The following NARS2 variants were observed in gnomAD, a reference collection of about 807,000 sequenced individuals.
NARS2 encodes the protein asparaginyl-tRNA synthetase.
A neutral mutation model predicts 62.9 loss-of-function variants in NARS2; 60 were observed. The ratio of observed to expected loss-of-function variants is 0.95; its 90% confidence interval spans 0.77 to 1.18. The LOEUF (loss-of-function observed/expected upper bound fraction) is 1.18. NARS2 is among the 50% of genes most tolerant of loss of function. The pLI is 0.00. For missense variants in NARS2, 619 were observed against 576.4 expected (o/e 1.07, Z -0.76); for synonymous variants, 196 against 200.0 (o/e 0.98, Z 0.17).
Position 78,441,120 on chromosome 11 carries a change from G to C in NARS2, c.1263-3C>G. On this transcript the variant is annotated splice_region_variant and splice_polypyrimidine_tract_variant and intron_variant, in intron 12 of 13. Coordinates refer to ENST00000281038, the MANE Select transcript of NARS2 (RefSeq NM_024678.6). ...GGTAGACTTCTGTAAGTCCCGATCT[G>C]TTTAAAGGAAAATAAAATTCTTTCA... The C allele has an allele frequency of 1.2e-6, 2 of 1,609,038 alleles. No individual in the cohort carries two copies. Among genetic ancestry groups the C allele is most frequent in the African/African-American group, 1.3e-5 (1 of 74,822 alleles).
chr11:78,437,002 C>T (rs771974548), intron 13 of NARS2, among the ~76,000 whole-genome samples, 188 bp from the exon 14 acceptor site: 1 of 152,104 alleles, frequency 6.6e-6, no homozygotes, highest in Non-Finnish European at 1.5e-5. Flanking sequence ...CCAAGGTTAC[C>T]CAGAGAAACA....
intron 7 of NARS2, among the ~76,000 whole-genome samples, chr11:78,489,108 G>A (rs1257877120): frequency 6.6e-6 from 1 of 151,926 alleles, no homozygotes; most frequent in African/African-American, 2.4e-5. Flanking sequence ...ATCCATGAAA[G>A]AAAAAATGAT....
rs532769813 is a variant in NARS2 at position 78,521,043 on chromosome 11, A to T, written c.689+7799T>A. Among the ~76,000 whole-genome samples the T allele has an allele frequency of 8.8e-5, 13 of 147,856 alleles. No homozygotes were observed. In the South Asian group the frequency reaches 2.8e-3, roughly 32 times the overall value. ...CACTGCACTCCAGCCTGGGCGACAG[A>T]GCAAGACTCTGTCTCCAAAAAAAAA... is the stretch of plus-strand genomic sequence containing the variant. On this transcript the variant is annotated intron_variant, in intron 6 of 13. Transcript: ENST00000281038.
chr11:78,471,668 A>G (rs7931105), intron 9 of NARS2, among the ~76,000 whole-genome samples: 2,273 of 144,868 alleles, frequency 0.016, 51 homozygotes, highest in African/African-American at 0.054. Flanking sequence ...ACATCTCCCA[A>G]TGCTATCCCT....
intron 6 of NARS2, 36 bp from the exon 7 acceptor site, chr11:78,493,231 C>G: frequency 6.4e-7 from 1 of 1,568,052 alleles, no homozygotes. Context: ...AAATAGAATT[C>G]ACATGATTAA....
At chr11:78,529,004 C>T in intron 5 of NARS2, 68 bp from the exon 6 acceptor site, 1 of 967,608 alleles carries the variant, frequency 1.0e-6, no homozygotes, top group Non-Finnish European at 1.6e-6. Flanking sequence ...CATTCATATA[C>T]ATGTCACAAC....
intron 6 of NARS2, among the ~76,000 whole-genome samples, chr11:78,517,916 T>C (rs1860972279): frequency 6.6e-6 from 1 of 152,216 alleles, no homozygotes; most frequent in African/African-American, 2.4e-5. Context: ...AAGAAGTGTA[T>C]TTATCATCAT....
intron 5 of NARS2, among the ~76,000 whole-genome samples, chr11:78,543,499 G>C (rs1383419914): frequency 1.3e-5 from 2 of 152,060 alleles, no homozygotes; most frequent in Non-Finnish European, 2.9e-5. Flanking sequence ...CTAGCAACAT[G>C]AAAGTTCATG....
chr11:78,517,369 A>G (rs1860951684), intron 6 of NARS2, among the ~76,000 whole-genome samples: 2 of 152,358 alleles, frequency 1.3e-5, no homozygotes, highest in Middle Eastern at 3.4e-3. Context: ...TCCTCAACCA[A>G]AGAACACAAC....
chr11:78,571,303 A>G (rs765338452), intron 2 of NARS2, 32 bp downstream of exon 2: 5 of 1,459,606 alleles, frequency 3.4e-6, no homozygotes, highest in Non-Finnish European at 4.8e-6. Flanking sequence ...AAAAACAAAA[A>G]TCAAAGAATT....
intron 6 of NARS2, among the ~76,000 whole-genome samples, chr11:78,509,311 A>G (rs1048691933): frequency 1.3e-5 from 2 of 152,184 alleles, no homozygotes. Flanking sequence ...GTTACTGGAC[A>G]TGCCCTGCAA....
At chr11:78,461,678 C>G (rs915331792) in intron 11 of NARS2, among the ~76,000 whole-genome samples, 1 of 139,964 alleles carries the variant, frequency 7.1e-6, no homozygotes, top group South Asian at 2.4e-4. Flanking sequence ...GGAAAGCAAA[C>G]TTTCATGCCT....
intron 6 of NARS2, among the ~76,000 whole-genome samples, chr11:78,497,967 T>C (rs1290240663): frequency 2.0e-5 from 3 of 152,120 alleles, no homozygotes; most frequent in Non-Finnish European, 4.4e-5. Context: ...CCAAGCAAAA[T>C]TTAATCTAAA....
At chr11:78,534,820 T>C (rs1861612570) in intron 5 of NARS2, among the ~76,000 whole-genome samples, 1 of 152,144 alleles carries the variant, frequency 6.6e-6, no homozygotes, top group Admixed American at 6.5e-5. Context: ...TACCTAAATC[T>C]GAGCGAGGAC....
chr11:78,480,065 A>AC (rs1859280675), intron 7 of NARS2, among the ~76,000 whole-genome samples: 2 of 151,786 alleles, frequency 1.3e-5, no homozygotes, highest in Non-Finnish European at 2.9e-5. Flanking sequence ...CACCCAGCTA[A>AC]TTTTTTTGAT....
intron 6 of NARS2, among the ~76,000 whole-genome samples, chr11:78,494,469 C>CAT (rs1859971379): frequency 2.3e-5 from 3 of 133,222 alleles, no homozygotes; most frequent in Non-Finnish European, 4.7e-5. Flanking sequence ...TTTTCTTTTT[C>CAT]TTTTTTTTTT....
Position 78,467,599 on chromosome 11 carries a change from TAAAC to T in NARS2, c.1027-1590_1027-1587del, listed in dbSNP as rs59553791. On this transcript the variant is annotated intron_variant, in intron 10 of 13. Transcript: ENST00000281038. ...TTAATTAATTAAATACAATAAAAAA[TAAAC>T]AAAGGAGTTCCTTCACAGAAAGAGA... Among the ~76,000 whole-genome samples the T allele has an allele frequency of 6.0e-3, 906 of 151,750 alleles. 8 individuals are homozygous for T. Among genetic ancestry groups the T allele is most frequent in the African/African-American group, 0.021 (866 of 41,388 alleles).
chr11:78,515,890 T>TA (rs936806145), intron 6 of NARS2, among the ~76,000 whole-genome samples: 130 of 152,232 alleles, frequency 8.5e-4, no homozygotes, highest in African/African-American at 2.8e-3. Context: ...AGTTGTTCTT[T>TA]AAAAAAATCA....
At chr11:78,529,665 T>G (rs1368803154) in intron 5 of NARS2, among the ~76,000 whole-genome samples, 1 of 152,224 alleles carries the variant, frequency 6.6e-6, no homozygotes, top group African/African-American at 2.4e-5. Flanking sequence ...ATGAGTATCA[T>G]ATCCTTTTCT....
Sources: gnomAD v4.1 joint callset for allele counts (sites outside exome capture counted in the v4.1 genomes callset) on GRCh38, gnomAD v4.1.1 for gene constraint, MANE v1.5 for transcripts, NCBI Gene and HGNC (gene_info 2026-07-23, HGNC 2026-07-21) for gene names.